The following ADAMTS17 variants were observed in gnomAD, a reference collection of about 807,000 sequenced individuals.
ADAMTS17 encodes the protein A disintegrin and metalloproteinase with thrombospondin motifs 17.
ADAMTS17 carries 113 observed loss-of-function variants against 141.5 expected under a neutral mutation model. The ratio of observed to expected loss-of-function variants is 0.80; its 90% confidence interval spans 0.69 to 0.93. The LOEUF (loss-of-function observed/expected upper bound fraction) is 0.93, where lower values mean the gene tolerates loss of function less well. ADAMTS17 is among the 40% of genes least tolerant of loss of function. The pLI is 0.00. For synonymous variants in ADAMTS17, 768 were observed against 630.6 expected (o/e 1.22, Z -3.27); for missense variants, 1,659 against 1,517.9 (o/e 1.09, Z -1.54).
intron 7 of ADAMTS17, among the ~76,000 whole-genome samples, chr15:100,201,999 C>G (rs1200377722): frequency 6.6e-6 from 1 of 152,156 alleles, no homozygotes. Context: ...CCCTCTGGGT[C>G]AATGAATCAA....
At chr15:100,316,720 T>C (rs1021693045) in intron 3 of ADAMTS17, among the ~76,000 whole-genome samples, 6 of 152,248 alleles carry the variant, frequency 3.9e-5, no homozygotes, top group Non-Finnish European at 8.8e-5. Flanking sequence ...TGAAATTGCA[T>C]TTGCATGAGT....
In ADAMTS17 at chr15:100,116,884, G is replaced by A. The variant is rs575415006; in HGVS notation, c.1851C>T (p.Pro617=). The change falls in exon 13 of 22, where the codon CCC becomes CCT. Residue 617 remains proline, a synonymous_variant. Transcript: ENST00000268070. ...CGGCTGTCAGCAGGCCTTTCTTCTT[G>A]GGGCTCAGCCGGTCGTGTGCCTGGC... ...QQCQAHDRLS[P]KKKGLLTAVV... 8.7e-6 allele frequency: 14 copies of A among 1,614,146 alleles called. No homozygotes were observed. The African/African-American group carries it at 1.9e-4, about 22-fold the overall frequency.
At chr15:100,031,669 G>A (rs543857672) in intron 18 of ADAMTS17, among the ~76,000 whole-genome samples, 55 of 152,276 alleles carry the variant, frequency 3.6e-4, no homozygotes, top group African/African-American at 1.3e-3. Flanking sequence ...ACATAATGCC[G>A]CTAACCATAG....
In ADAMTS17 at chr15:100,341,106, G is replaced by C. The variant is rs1413065581; in HGVS notation, c.383C>G (p.Ser128Trp). ...RGRPAELCFY[S>W]GRVLGHPGSL... ...GCCGGGGTGGCCGAGCACACGGCCC[G>C]AGTAGAAGCACAGCTCGGCGGGGCG... is the stretch of plus-strand genomic sequence containing the variant. The change falls in exon 2 of 22, where the codon TCG (serine) becomes TGG (tryptophan). Residue 128 changes from serine (S) to tryptophan (W), a missense_variant. Ser to Trp is a radical substitution (Grantham distance 177). Transcript: ENST00000268070. The C allele has an allele frequency of 1.3e-6, 2 of 1,506,776 alleles. No homozygotes were observed. Among genetic ancestry groups the C allele is most frequent in the African/African-American group, 2.9e-5 (2 of 70,022 alleles). 93.3% of individuals were successfully genotyped at this position (1,506,776 alleles called of 1,614,324 possible).
At chr15:100,075,314 T>A (rs1315260077) in intron 15 of ADAMTS17, among the ~76,000 whole-genome samples, 1 of 152,240 alleles carries the variant, frequency 6.6e-6, no homozygotes, top group African/African-American at 2.4e-5. Flanking sequence ...TTTCTGCCAG[T>A]TTCTCTAATA....
chr15:99,975,934 G>A, intron 21 of ADAMTS17, 111 bp downstream of exon 21: 3 of 1,208,194 alleles, frequency 2.5e-6, no homozygotes, highest in Non-Finnish European at 3.4e-6. Flanking sequence ...TATGTGACAA[G>A]TGAGGCCCAA....
chr15:100,193,391 A>C lies in ADAMTS17; in HGVS notation c.1181+5927T>G, dbSNP rs148523053. On this transcript the variant is annotated intron_variant, in intron 8 of 21. Coordinates refer to ENST00000268070, the MANE Select transcript of ADAMTS17 (RefSeq NM_139057.4). ...CTCAGGGTGACCGAGAGAGAGGTGA[A>C]GTGGGTGGGTTATTTTCAGCACAGC... 2.4e-3 allele frequency among the ~76,000 whole-genome samples: 369 copies of C among 152,220 alleles called. 1 individual carries two copies. The highest frequency in any genetic ancestry group is 8.5e-3 in the African/African-American group (354 of 41,548).
chr15:100,259,648 C>T (rs1305220830), intron 6 of ADAMTS17, among the ~76,000 whole-genome samples: 3 of 152,212 alleles, frequency 2.0e-5, no homozygotes, highest in African/African-American at 4.8e-5. Flanking sequence ...TATGATAGAG[C>T]TTATATATGG....
chr15:100,254,188 T>TA lies in ADAMTS17; in HGVS notation c.1032-10dup, dbSNP rs1286461775. 1 of 1,612,658 alleles carries TA rather than the reference T, an allele frequency of 6.2e-7. No homozygotes were observed. The highest frequency in any genetic ancestry group is 8.5e-7 in the Non-Finnish European group (1 of 1,178,978). ...GTACACAGAAATCTGTCCTAAAAAA[T>TA]AAAAAAGCCATCATCAGGTATATGC... is the stretch of plus-strand genomic sequence containing the variant. On this transcript the variant is annotated splice_polypyrimidine_tract_variant and intron_variant, in intron 6 of 21. Transcript: ENST00000268070.
intron 7 of ADAMTS17, among the ~76,000 whole-genome samples, chr15:100,252,079 A>G (rs1317494826): frequency 6.6e-6 from 1 of 152,220 alleles, no homozygotes; most frequent in African/African-American, 2.4e-5. Flanking sequence ...AAATGAGATG[A>G]TGCTTGATTC....
chr15:100,157,629 T>G (rs944330746), intron 8 of ADAMTS17, among the ~76,000 whole-genome samples: 4 of 152,144 alleles, frequency 2.6e-5, no homozygotes, highest in African/African-American at 9.7e-5. Context: ...AAGCGAGCAT[T>G]TGGTAAAAAT....
intron 2 of ADAMTS17, among the ~76,000 whole-genome samples, chr15:100,335,523 A>G (rs2046182016): frequency 6.6e-6 from 1 of 152,038 alleles, no homozygotes; most frequent in South Asian, 2.1e-4. Flanking sequence ...CAGGGCCTGC[A>G]TTGTCTTTCT....
intron 20 of ADAMTS17, among the ~76,000 whole-genome samples, chr15:99,983,574 C>G (rs2060524095): frequency 6.6e-6 from 1 of 152,170 alleles, no homozygotes; most frequent in Non-Finnish European, 1.5e-5. Context: ...CGAGAGGAGG[C>G]TGTAAAGCTC....
chr15:100,293,315 G>A (rs1475451736), intron 3 of ADAMTS17, among the ~76,000 whole-genome samples: 1 of 152,196 alleles, frequency 6.6e-6, no homozygotes, highest in African/African-American at 2.4e-5. Context: ...GGCACTGGTC[G>A]GCAGGTGGTC....
intron 7 of ADAMTS17, among the ~76,000 whole-genome samples, chr15:100,211,298 CAAAAAAAAA>C (rs11323381): frequency 2.1e-5 from 2 of 95,804 alleles, no homozygotes; most frequent in Non-Finnish European, 4.1e-5. Context: ...AACTTCATCT[CAAAAAAAAA>C]AAAAAAAAAA....
intron 7 of ADAMTS17, among the ~76,000 whole-genome samples, chr15:100,207,479 G>A (rs534309725): frequency 1.2e-4 from 19 of 152,078 alleles, no homozygotes; most frequent in Non-Finnish European, 1.6e-4. Flanking sequence ...CGAGCATGGC[G>A]GCCACCGGAA....
At chr15:100,031,278 C>A (rs2030138700) in intron 18 of ADAMTS17, among the ~76,000 whole-genome samples, 1 of 152,170 alleles carries the variant, frequency 6.6e-6, no homozygotes, top group Admixed American at 6.5e-5. Flanking sequence ...TGTCTTCCTG[C>A]CTCTACATGA....
At chr15:100,080,481 C>G (rs1164722639) in intron 15 of ADAMTS17, among the ~76,000 whole-genome samples, 1 of 152,136 alleles carries the variant, frequency 6.6e-6, no homozygotes, top group Non-Finnish European at 1.5e-5. Flanking sequence ...GAAACTACAA[C>G]AGCCCAATCC....
chr15:100,080,044 T>C (rs936550029), intron 15 of ADAMTS17, among the ~76,000 whole-genome samples: 7 of 152,156 alleles, frequency 4.6e-5, no homozygotes, highest in African/African-American at 1.4e-4. Flanking sequence ...TAGCATCCAA[T>C]ATACGGTACT....
Sources: gnomAD v4.1 joint callset for allele counts (sites outside exome capture counted in the v4.1 genomes callset) on GRCh38, gnomAD v4.1.1 for gene constraint, MANE v1.5 for transcripts, NCBI Gene and HGNC (gene_info 2026-07-23, HGNC 2026-07-21) for gene names.